The following PFKFB4 variants were observed in gnomAD, a reference collection of about 807,000 sequenced individuals.
The protein encoded by PFKFB4 is 6-phosphofructo-2-kinase/fructose-2,6-bisphosphatase 4.
PFKFB4 carries 42 observed loss-of-function variants against 62.8 expected under a neutral mutation model. That is an observed-to-expected ratio of 0.67 (90% CI 0.52 to 0.86). PFKFB4 has a LOEUF of 0.86. PFKFB4 is among the 40% of genes least tolerant of loss of function. The probability of loss-of-function intolerance (pLI) is 0.00; values close to 1 mark genes in which losing one functional copy is unlikely to be tolerated. For synonymous variants in PFKFB4, 204 were observed against 240.7 expected (o/e 0.85, Z 1.41); for missense variants, 475 against 627.2 (o/e 0.76, Z 2.59).
Position 48,539,785 on chromosome 3 carries a change from AG to A in PFKFB4, c.379-15del, listed in dbSNP as rs1255784523. ...GGCATCAAAAACCTAGGACCAAACT[AG>A]GGTTAACTCAGCCTCTGGCCCTGGG... On this transcript the variant is annotated splice_polypyrimidine_tract_variant and intron_variant, in intron 4 of 13. Transcript: ENST00000232375. 1 of 1,610,704 alleles carries A rather than the reference AG, an allele frequency of 6.2e-7. No homozygotes were observed. The highest frequency in any genetic ancestry group is 2.2e-5 in the East Asian group (1 of 44,864).
At chr3:48,560,854 T>TC (rs1305969225), upstream of PFKFB4, among the ~76,000 whole-genome samples, 2 of 151,750 alleles carry the variant, frequency 1.3e-5, no homozygotes, top group African/African-American at 4.8e-5. Flanking sequence ...TATTTATAGT[T>TC]CCCCCTTGGC....
chr3:48,550,326 TG>T, intron 1 of PFKFB4, 92 bp from the exon 2 acceptor site: 1 of 816,354 alleles, frequency 1.2e-6, no homozygotes, highest in Non-Finnish European at 2.1e-6. Context: ...CCTCAGGGCA[TG>T]GGACTGGCAT....
intron 6 of PFKFB4, 32 bp downstream of exon 6, chr3:48,539,222 G>C: frequency 6.4e-7 from 1 of 1,561,674 alleles, no homozygotes. Context: ...TGTCACACAC[G>C]ACCTTCTGAC....
intron 12 of PFKFB4, among the ~76,000 whole-genome samples, 191 bp from the exon 13 acceptor site, chr3:48,522,241 C>A (rs888343330): frequency 2.0e-5 from 3 of 152,168 alleles, no homozygotes; most frequent in Non-Finnish European, 4.4e-5. Flanking sequence ...GTCAGACCCA[C>A]GCATATCTAT....
chr3:48,541,227 A>G (rs2042788875), intron 4 of PFKFB4, among the ~76,000 whole-genome samples: 1 of 151,778 alleles, frequency 6.6e-6, no homozygotes, highest in Non-Finnish European at 1.5e-5. Context: ...TCCTGGGTTC[A>G]GGCCATTCCC....
chr3:48,549,738 G>A (rs2043073304), intron 3 of PFKFB4, 126 bp downstream of exon 3: 1 of 696,670 alleles, frequency 1.4e-6, no homozygotes, highest in Non-Finnish European at 2.6e-6. Context: ...GGGCTCAGGA[G>A]TAGCTCAGTC....
chr3:48,535,720 T>C (rs1560162583), intron 8 of PFKFB4, 62 bp from the exon 9 acceptor site: 4 of 1,600,090 alleles, frequency 2.5e-6, no homozygotes, highest in East Asian at 4.5e-5. Context: ...AAGCATCCCA[T>C]AGCCGCAGGG....
At chr3:48,551,519 CTTTTTTTTTTTTTT>C (rs71074260) in intron 1 of PFKFB4, among the ~76,000 whole-genome samples, 12 of 29,118 alleles carry the variant, frequency 4.1e-4, no homozygotes, top group South Asian at 3.5e-3. Flanking sequence ...CTCCAGCCTT[CTTTTTTTTTTTTTT>C]TTTTTTTTTT....
chr3:48,557,012 C>T (rs1180239119), upstream of PFKFB4: 1 of 1,329,462 alleles, frequency 7.5e-7, no homozygotes, highest in African/African-American at 1.5e-5. Flanking sequence ...CAAGTGGGCC[C>T]AGTTCTTCAG....
At chr3:48,530,918 G>A (rs1325458732) in intron 9 of PFKFB4, among the ~76,000 whole-genome samples, 2 of 152,084 alleles carry the variant, frequency 1.3e-5, no homozygotes, top group African/African-American at 4.8e-5. Flanking sequence ...TCTTGGACAG[G>A]CTGGTCTCAA....
At chr3:48,540,561 C>G (rs1337748348) in intron 4 of PFKFB4, among the ~76,000 whole-genome samples, 2 of 151,914 alleles carry the variant, frequency 1.3e-5, no homozygotes, top group Non-Finnish European at 2.9e-5. Flanking sequence ...GTAGCTGGGA[C>G]TACAAGTGTG....
In PFKFB4 at chr3:48,519,740, A is replaced by G; in HGVS notation, c.*7T>C. The G allele has an allele frequency of 6.2e-7, 1 of 1,610,684 alleles. No individual in the cohort carries two copies. The highest frequency in any genetic ancestry group is 8.5e-7 in the Non-Finnish European group (1 of 1,177,306). On this transcript the variant is annotated 3_prime_UTR_variant, in exon 14 of 14. Coordinates refer to ENST00000232375, the MANE Select transcript of PFKFB4 (RefSeq NM_004567.4). Reference sequence around the variant, plus strand: ...GCCTGCCTAGTGGTCACAGTGGATGAACATGGTCACTGGTGAGCAGGCACC... The same window carrying G: ...GCCTGCCTAGTGGTCACAGTGGATGGACATGGTCACTGGTGAGCAGGCACC...
chr3:48,557,223 C>T (rs1331856945), upstream of PFKFB4, among the ~76,000 whole-genome samples: 2 of 152,198 alleles, frequency 1.3e-5, no homozygotes, highest in Admixed American at 6.5e-5. Context: ...CTGCTACCTC[C>T]TTGCTAGGGA....
At chr3:48,539,381 G>T in intron 5 of PFKFB4, 71 bp from the exon 6 acceptor site, 2 of 1,271,010 alleles carry the variant, frequency 1.6e-6, no homozygotes, top group Non-Finnish European at 2.3e-6. Flanking sequence ...CTCCCGCCTT[G>T]CTCCTCGGAG....
chr3:48,557,213 C>G (rs1284057219), upstream of PFKFB4, among the ~76,000 whole-genome samples: 1 of 152,244 alleles, frequency 6.6e-6, no homozygotes, highest in East Asian at 1.9e-4. Context: ...CGCGTGAATT[C>G]TGCTACCTCC....
At chr3:48,558,179 TC>T (rs147937685), upstream of PFKFB4, among the ~76,000 whole-genome samples, 1,436 of 152,288 alleles carry the variant, frequency 9.4e-3, 19 homozygotes, top group African/African-American at 0.033. Flanking sequence ...AAGGGAGAGA[TC>T]CAGAAGTTCC....
Position 48,523,714 on chromosome 3 carries a change from G to A in PFKFB4, c.1209C>T (p.Leu403=), listed in dbSNP as rs753061768. Residue 403 remains leucine (L), a synonymous_variant, in exon 11 of 14, where the codon CTC becomes CTT. Transcript: ENST00000232375. The stretch of plus-strand genomic sequence containing the variant: ...CACAGCCCACACCTGCTGCCTTGTC[G>A]AGGAAGTAGGCCAGCAGGCAGCGCA... The part of the protein sequence containing the change: ...AVMRCLLAYF[L]DKAAEQLPYL... The A allele has an allele frequency of 1.4e-5, 23 of 1,614,030 alleles. No individual in the cohort carries two copies. Among genetic ancestry groups the A allele is most frequent in the Admixed American group, 5.0e-5 (3 of 60,008 alleles).
intron 2 of PFKFB4, 61 bp downstream of exon 2, chr3:48,550,057 T>A: frequency 7.0e-7 from 1 of 1,423,310 alleles, no homozygotes; most frequent in Non-Finnish European, 9.9e-7. Flanking sequence ...GAATAGGCCT[T>A]CTCTATTCTC....
At chr3:48,531,737 G>A (rs1185967960) in intron 9 of PFKFB4, among the ~76,000 whole-genome samples, 8 of 152,030 alleles carry the variant, frequency 5.3e-5, no homozygotes, top group Non-Finnish European at 1.2e-4. Context: ...AGGCTGCAGT[G>A]AGCCATGATG....
Sources: gnomAD v4.1 joint callset for allele counts (sites outside exome capture counted in the v4.1 genomes callset) on GRCh38, gnomAD v4.1.1 for gene constraint, MANE v1.5 for transcripts, NCBI Gene and HGNC (gene_info 2026-07-23, HGNC 2026-07-21) for gene names.